The following EHD4 variants were observed in gnomAD, a reference collection of about 807,000 sequenced individuals.
EHD4 encodes EH domain-containing protein 4.
In EHD4, 37 loss-of-function variants were observed where a neutral mutation model predicts 51.0. That is an observed-to-expected ratio of 0.73 (90% confidence interval 0.56 to 0.95). The LOEUF (loss-of-function observed/expected upper bound fraction) is 0.95, where lower values mean the gene tolerates loss of function less well. Among genes scored for constraint, EHD4 ranks in the 40% least tolerant of loss-of-function variants. The pLI, the probability that EHD4 is intolerant of heterozygous loss-of-function variation, is 0.00. For missense variants in EHD4, 632 were observed against 733.1 expected, an observed-to-expected ratio of 0.86 and a Z score of 1.59; for synonymous variants, 297 against 317.3, an observed-to-expected ratio of 0.94 and a Z score of 0.68.
intron 3 of EHD4, chr15:41,942,836 C>A (rs2067783381): frequency 4.5e-6 from 2 of 446,218 alleles, no homozygotes; most frequent in Non-Finnish European, 8.3e-6. Flanking sequence ...CACTCCTCAT[C>A]TTCATTTACT....
intron 2 of EHD4, among the ~76,000 whole-genome samples, chr15:41,953,287 C>T (rs918480925): frequency 2.6e-5 from 4 of 152,158 alleles, no homozygotes; most frequent in Non-Finnish European, 4.4e-5. Flanking sequence ...TTGCCAGTGA[C>T]GAGGAGCTCA....
chr15:41,922,120 G>C (rs1257701037), intron 3 of EHD4, among the ~76,000 whole-genome samples: 1 of 152,204 alleles, frequency 6.6e-6, no homozygotes, highest in East Asian at 1.9e-4. Flanking sequence ...TGGGCACGGT[G>C]GCTAATGCCT....
chr15:41,972,469 G>A lies in EHD4; in HGVS notation c.26C>T (p.Ala9Val). Residue 9 changes from alanine (A) to valine (V), a missense_variant, in exon 1 of 6, where the codon GCG becomes GTG. Physicochemically the swap from Ala to Val is moderately conservative, Grantham distance 64. Transcript: ENST00000220325. MFSWMGRQ[A>V]GGRERAGGAD... The stretch of plus-strand genomic sequence containing the variant: ...GCCGCCAGCGCGTTCGCGCCCGCCC[G>A]CCTGCCGCCCCATCCAGCTGAACAT... 1 of 1,544,954 alleles carries A rather than the reference G, an allele frequency of 6.5e-7. No individual in the cohort carries two copies. Among genetic ancestry groups the A allele is most frequent in the South Asian group, 1.2e-5 (1 of 82,966 alleles).
At position 41,896,239 on chromosome 15, in the gene EHD4, A is replaced by G. The variant is rs1245351513; in HGVS notation, c.*4406T>C. 1 of 152,156 alleles carries G rather than the reference A, an allele frequency of 6.6e-6. No homozygotes were observed. The highest frequency in any genetic ancestry group is 2.4e-5 in the African/African-American group (1 of 41,418). 9.4% of individuals were successfully genotyped at this position (152,156 alleles called of 1,614,324 possible). Reference sequence around the variant, plus strand: ...GCCTGGATTCCTCTGGCCTTTCTCAAGGTCTCTTTCATTTTCATGCTCCAC... The same window carrying G: ...GCCTGGATTCCTCTGGCCTTTCTCAGGGTCTCTTTCATTTTCATGCTCCAC... On this transcript the variant is annotated 3_prime_UTR_variant, in exon 6 of 6. Transcript: ENST00000220325.
chr15:41,922,113 G>C (rs1352755896), intron 3 of EHD4, among the ~76,000 whole-genome samples: 1 of 152,180 alleles, frequency 6.6e-6, no homozygotes. Flanking sequence ...ATAAGGCTGG[G>C]CACGGTGGCT....
In EHD4 at chr15:41,898,347, G is replaced by A. The variant is rs1446060859; in HGVS notation, c.*2298C>T. On this transcript the variant is annotated 3_prime_UTR_variant, in exon 6 of 6. Transcript: ENST00000220325. ...CCAGACAAAACTTACATATGTACAC[G>A]TTGTTTTAAAACGACATACTCATGT... The A allele has an allele frequency of 2.0e-5, 3 of 152,136 alleles. No homozygotes were observed. Among genetic ancestry groups the A allele is most frequent in the Admixed American group, 1.3e-4 (2 of 15,266 alleles). 9.4% of individuals were successfully genotyped at this position (152,136 alleles called of 1,614,324 possible).
intron 1 of EHD4, among the ~76,000 whole-genome samples, chr15:41,968,757 T>G (rs1056312879): frequency 1.3e-5 from 2 of 152,266 alleles, no homozygotes; most frequent in African/African-American, 2.4e-5. Context: ...TGATGCTTAG[T>G]GTTGAAAGAC....
At chr15:41,967,263 G>C (rs1396476768) in intron 1 of EHD4, among the ~76,000 whole-genome samples, 1 of 152,106 alleles carries the variant, frequency 6.6e-6, no homozygotes, top group African/African-American at 2.4e-5. Context: ...TGCATTCTCA[G>C]GGAGGCAGCC....
At chr15:41,970,118 G>A (rs965858216) in intron 1 of EHD4, among the ~76,000 whole-genome samples, 3 of 152,192 alleles carry the variant, frequency 2.0e-5, no homozygotes, top group Non-Finnish European at 1.5e-5. Flanking sequence ...AAGTTCACAA[G>A]TCTCCAGGGT....
rs746443044 is a variant in EHD4 at position 41,909,870 on chromosome 15, G to T, written c.925-7C>A. 4.4e-5 allele frequency: 71 copies of T among 1,614,118 alleles called. No homozygotes were observed. In the East Asian group the frequency reaches 1.6e-3, roughly 35 times the overall value. ...TGATGATGTAGGCATGCACCTGGAG[G>T]GGTATAGATCAGGCAGGGAAGTGTC... On this transcript the variant is annotated splice_region_variant and splice_polypyrimidine_tract_variant and intron_variant, in intron 4 of 5. Transcript: ENST00000220325.
intron 4 of EHD4, among the ~76,000 whole-genome samples, chr15:41,911,224 T>C (rs1215769268): frequency 6.6e-6 from 1 of 152,220 alleles, no homozygotes; most frequent in East Asian, 1.9e-4. Flanking sequence ...AACAGAAGCA[T>C]GCACTGTGCA....
In EHD4 at chr15:41,946,502, G is replaced by A. The variant is rs548948870; in HGVS notation, c.414-3338C>T. ...CCCAGCACTTTGGAGGCTGAGTGGG[G>A]ACGATCTCTTGAACCCAGGAGTTCA... On this transcript the variant is annotated intron_variant, in intron 2 of 5. Coordinates refer to ENST00000220325, the MANE Select transcript of EHD4 (RefSeq NM_139265.4). Among the ~76,000 whole-genome samples, 5 of 152,304 alleles carry A rather than the reference G, an allele frequency of 3.3e-5. No individual in the cohort carries two copies. In the South Asian group the frequency reaches 1.0e-3, roughly 32 times the overall value.
intron 2 of EHD4, among the ~76,000 whole-genome samples, chr15:41,952,522 C>T (rs922351661): frequency 1.3e-5 from 2 of 152,086 alleles, no homozygotes; most frequent in African/African-American, 4.8e-5. Context: ...AAGGCAGATC[C>T]AGTGGGAAAG....
In EHD4 at chr15:41,971,325, C is replaced by T. The variant is rs550829125; in HGVS notation, c.236+934G>A. Among the ~76,000 whole-genome samples, 17 of 152,328 alleles carry T rather than the reference C, an allele frequency of 1.1e-4. No homozygotes were observed. In the East Asian group the frequency reaches 3.3e-3, roughly 29 times the overall value. On this transcript the variant is annotated intron_variant, in intron 1 of 5. Coordinates refer to ENST00000220325, the MANE Select transcript of EHD4 (RefSeq NM_139265.4). ...GGACCAAAACCTTAAATGATCAGCACTTTGTTTCAACTGATACACGGCTTA... is the reference window on the plus strand; with the variant it reads ...GGACCAAAACCTTAAATGATCAGCATTTTGTTTCAACTGATACACGGCTTA...
In EHD4 at chr15:41,909,863, C is replaced by T; in HGVS notation, c.925G>A (p.Val309Met). Reference sequence around the variant, plus strand: ...AGGTAGCTGATGATGTAGGCATGCACCTGGAGGGGTATAGATCAGGCAGGG... The same window carrying T: ...AGGTAGCTGATGATGTAGGCATGCATCTGGAGGGGTATAGATCAGGCAGGG... ...DLIKRARLAKVHAYIISYLKK... is the reference protein window; with the variant it reads ...DLIKRARLAKMHAYIISYLKK... Residue 309 changes from valine (V) to methionine (M), a missense_variant and splice_region_variant, in exon 5 of 6, where the codon GTG becomes ATG. Coordinates refer to ENST00000220325, the MANE Select transcript of EHD4 (RefSeq NM_139265.4). 6.2e-7 allele frequency: 1 copy of T among 1,614,144 alleles called. No homozygotes were observed. Among genetic ancestry groups the T allele is most frequent in the Non-Finnish European group, 8.5e-7 (1 of 1,180,020 alleles).
intron 1 of EHD4, among the ~76,000 whole-genome samples, chr15:41,964,607 A>G (rs1385727787): frequency 6.6e-6 from 1 of 152,062 alleles, no homozygotes; most frequent in African/African-American, 2.4e-5. Context: ...CCCTATCTAA[A>G]ACACTTTTTT....
Position 41,900,850 on chromosome 15 carries a change from A to G in EHD4, c.1421T>C (p.Met474Thr). Residue 474 changes from methionine to threonine, a missense_variant, in exon 6 of 6, where the codon ATG becomes ACG. Coordinates refer to ENST00000220325, the MANE Select transcript of EHD4 (RefSeq NM_139265.4). The surrounding 1 kb of genome is among the most constrained non-coding windows in gnomAD (Gnocchi z 4.8). ...GCTGTTGGGCAGCTTGGAGGTCACC[A>G]TCTCCTTCTTGGCGTTGACACCTGA... ...KISGVNAKKE[M>T]VTSKLPNSVL... The G allele has an allele frequency of 1.9e-6, 3 of 1,614,104 alleles. No individual in the cohort carries two copies. Among genetic ancestry groups the G allele is most frequent in the Admixed American group, 1.7e-5 (1 of 60,022 alleles).
chr15:41,901,253 G>A (rs2067476222), intron 5 of EHD4, 72 bp from the exon 6 acceptor site: 1 of 1,472,952 alleles, frequency 6.8e-7, no homozygotes, highest in South Asian at 1.4e-5. Flanking sequence ...GGCCACTGGA[G>A]GGAGACTAAT....
At chr15:41,948,782 A>G (rs908803068) in intron 2 of EHD4, among the ~76,000 whole-genome samples, 2 of 152,102 alleles carry the variant, frequency 1.3e-5, no homozygotes, top group Admixed American at 6.5e-5. Flanking sequence ...TAATCCCAGC[A>G]CTCTGGGAGG....
Sources: gnomAD v4.1 joint callset for allele counts (sites outside exome capture counted in the v4.1 genomes callset) on GRCh38, gnomAD v4.1.1 for gene constraint, Gnocchi (gnomAD v3.1) non-coding constraint, MANE v1.5 for transcripts, NCBI Gene and HGNC (gene_info 2026-07-23, HGNC 2026-07-21) for gene names.